EPB41L1: variants seen among roughly 807,000 people sequenced by gnomAD.
EPB41L1 encodes the protein band 4.1-like protein 1.
In EPB41L1, 29 loss-of-function variants were observed where a neutral mutation model predicts 97.8. That is an observed-to-expected ratio of 0.30 (90% CI 0.22 to 0.40). The LOEUF (loss-of-function observed/expected upper bound fraction) is 0.40, where lower values mean the gene tolerates loss of function less well. Among genes scored for constraint, EPB41L1 ranks in the 10% least tolerant of loss-of-function variants. The probability of loss-of-function intolerance (pLI) is 1.00; values close to 1 mark genes in which losing one functional copy is unlikely to be tolerated. For missense variants in EPB41L1, 812 were observed against 1,162.3 expected (o/e 0.70, Z 4.38); for synonymous variants, 383 against 459.2 (o/e 0.83, Z 2.12).
In EPB41L1 at chr20:36,195,793, G is replaced by T. The variant is rs1018954923; in HGVS notation, c.1485+429G>T. Among the ~76,000 whole-genome samples the T allele has an allele frequency of 6.6e-6, 1 of 151,940 alleles. No homozygotes were observed. The highest frequency in any genetic ancestry group is 2.4e-5 in the African/African-American group (1 of 41,350). ...CACTGTTTGGTCTCGCCTCCATCTC[G>T]TCTGTGTCCCCTGTGTCCTCACCCC... On this transcript the variant is annotated intron_variant, in intron 13 of 21. Coordinates refer to ENST00000338074, the MANE Select transcript of EPB41L1 (RefSeq NM_012156.2). This position sits in a 1 kb window ranked among gnomAD's most constrained non-coding sequence, Gnocchi z 4.6.
chr20:36,122,328 C>G (rs2058778846), intron 2 of EPB41L1, among the ~76,000 whole-genome samples: 1 of 152,214 alleles, frequency 6.6e-6, no homozygotes, highest in Non-Finnish European at 1.5e-5. Context: ...GGACAGGAGG[C>G]CTGGTGAGTC....
intron 1 of EPB41L1, among the ~76,000 whole-genome samples, chr20:36,169,096 G>T (rs1325938062): frequency 6.6e-6 from 1 of 151,718 alleles, no homozygotes; most frequent in Non-Finnish European, 1.5e-5. Flanking sequence ...TGCGGTGGCG[G>T]TCACCTGTAA....
At chr20:36,201,449 C>T (rs1413404883) in intron 14 of EPB41L1, among the ~76,000 whole-genome samples, 2 of 152,126 alleles carry the variant, frequency 1.3e-5, no homozygotes, top group Admixed American at 6.6e-5. Context: ...GTCATGGCAC[C>T]CAAATGCCTT....
intron 2 of EPB41L1, among the ~76,000 whole-genome samples, chr20:36,125,158 C>T (rs2058911220): frequency 6.6e-6 from 1 of 152,122 alleles, no homozygotes; most frequent in Non-Finnish European, 1.5e-5. Flanking sequence ...TGGGGACAAA[C>T]CCAGAGAGAG....
At chr20:36,126,363 ATTT>A (rs1208994726) in intron 2 of EPB41L1, among the ~76,000 whole-genome samples, 6 of 135,212 alleles carry the variant, frequency 4.4e-5, no homozygotes, top group Non-Finnish European at 4.8e-5. Flanking sequence ...AGTTAGTGGA[ATTT>A]TTTTTTTTTT....
chr20:36,197,938 A>G lies in EPB41L1; in HGVS notation c.1565A>G (p.Asn522Ser), dbSNP rs1443259446. 1 of 1,614,158 alleles carries G rather than the reference A, an allele frequency of 6.2e-7. No homozygotes were observed. ...NELKRTLKEP[N>S]SKLIHRDRDW... ...CTCAAAAGGACCCTGAAGGAGCCCA[A>G]CAGCAAACTCATCCACCGGGATCGA... Residue 522 changes from asparagine to serine, a missense_variant, in exon 14 of 22, where the codon AAC becomes AGC. This residue lies in a region of EPB41L1 where 498 missense variants were observed against 622.7 expected (regional missense o/e 0.80). Transcript: ENST00000338074.
chr20:36,170,753 TG>T (rs200840194), intron 1 of EPB41L1, among the ~76,000 whole-genome samples: 65 of 152,290 alleles, frequency 4.3e-4, no homozygotes, highest in East Asian at 3.9e-3. Flanking sequence ...ACCTGGTTTC[TG>T]AGGAAATGAC....
intron 21 of EPB41L1, among the ~76,000 whole-genome samples, chr20:36,224,749 T>G (rs2064007684): frequency 6.6e-6 from 1 of 152,218 alleles, no homozygotes; most frequent in South Asian, 2.1e-4. Flanking sequence ...TTTCTATTTA[T>G]CTAGAAATTT....
chr20:36,204,294 C>T lies in EPB41L1; in HGVS notation c.1669-5194C>T, dbSNP rs937374739. Among the ~76,000 whole-genome samples the T allele has an allele frequency of 7.2e-5, 11 of 152,072 alleles. No individual in the cohort carries two copies. The East Asian group carries it at 1.4e-3, about 19-fold the overall frequency. On this transcript the variant is annotated intron_variant, in intron 14 of 21. Coordinates refer to ENST00000338074, the MANE Select transcript of EPB41L1 (RefSeq NM_012156.2). ...CAGCTCTGTATTTCTGTCACATAGC[C>T]GACTTGCATTAAAATTTTGTGGGAA...
At chr20:36,154,542 G>C (rs1237042659), upstream of EPB41L1, among the ~76,000 whole-genome samples, 1 of 150,882 alleles carries the variant, frequency 6.6e-6, no homozygotes, top group Non-Finnish European at 1.5e-5. The surrounding 1 kb of genome is among the most constrained non-coding windows in gnomAD (Gnocchi z 5.5). Flanking sequence ...AGAGGAGACA[G>C]GCAGAGAGGA....
At chr20:36,094,703 A>G (rs2057772971) in intron 1 of EPB41L1, among the ~76,000 whole-genome samples, 1 of 152,020 alleles carries the variant, frequency 6.6e-6, no homozygotes, top group East Asian at 1.9e-4. Flanking sequence ...TTCCCTGCCA[A>G]AAGCAGCAGA....
chr20:36,172,701 A>G (rs893459393), intron 1 of EPB41L1, among the ~76,000 whole-genome samples: 11 of 152,082 alleles, frequency 7.2e-5, no homozygotes, highest in Non-Finnish European at 1.3e-4. Flanking sequence ...CCCAGGTTCA[A>G]GCGATTCTCC....
rs527881840 is a variant in EPB41L1, at chr20:36,104,812, T to G, written c.-64-7614T>G. The stretch of plus-strand genomic sequence containing the variant: ...GCTATGCAGGTGGGAAGCAGAGGCC[T>G]GGGAGGAGGAGATGGCACCCAAGAA... On this transcript the variant is annotated intron_variant, in intron 1 of 19. Coordinates refer to the EPB41L1 transcript ENST00000202028. Among the ~76,000 whole-genome samples, 3 of 152,264 alleles carry G rather than the reference T, an allele frequency of 2.0e-5. No individual in the cohort carries two copies. In the South Asian group the frequency reaches 6.2e-4, roughly 32 times the overall value.
chr20:36,198,086 G>C (rs942516241), intron 14 of EPB41L1, 45 bp downstream of exon 14: 7 of 1,565,380 alleles, frequency 4.5e-6, no homozygotes, highest in Non-Finnish European at 6.1e-6. Flanking sequence ...TGGGTAAAGA[G>C]ACATTGGGTT....
At chr20:36,127,898 T>C (rs1432395723) in intron 2 of EPB41L1, among the ~76,000 whole-genome samples, 1 of 151,966 alleles carries the variant, frequency 6.6e-6, no homozygotes, top group Non-Finnish European at 1.5e-5. Context: ...GTAGGAAAAA[T>C]TGTGCTCCCT....
intron 14 of EPB41L1, among the ~76,000 whole-genome samples, chr20:36,199,961 A>T (rs2062410369): frequency 6.6e-6 from 1 of 152,124 alleles, no homozygotes; most frequent in Non-Finnish European, 1.5e-5. Flanking sequence ...GGTCTTAGTA[A>T]AAGGTGGAAT....
At chr20:36,149,615 T>TGAG (rs1277248828) in intron 2 of EPB41L1, among the ~76,000 whole-genome samples, 11 of 152,162 alleles carry the variant, frequency 7.2e-5, no homozygotes, top group African/African-American at 2.7e-4. Context: ...CTCTGCAGAG[T>TGAG]GCCAACCTCA....
intron 2 of EPB41L1, among the ~76,000 whole-genome samples, chr20:36,137,465 C>A (rs1477910783): frequency 1.3e-5 from 2 of 152,034 alleles, no homozygotes; most frequent in Non-Finnish European, 2.9e-5. Context: ...AAGTTATCCT[C>A]CTGCCTCAGC....
chr20:36,156,529 C>T (rs552340705), intron 1 of EPB41L1, among the ~76,000 whole-genome samples: 1 of 152,298 alleles, frequency 6.6e-6, no homozygotes, highest in South Asian at 2.1e-4. Flanking sequence ...ATTAATGTAC[C>T]CAGGTCTTCC....
Sources: gnomAD v4.1 joint callset for allele counts (sites outside exome capture counted in the v4.1 genomes callset) on GRCh38, gnomAD v4.1.1 for gene constraint, gnomAD v4.1.1 regional missense constraint, Gnocchi (gnomAD v3.1) non-coding constraint, MANE v1.5 for transcripts, NCBI Gene and HGNC (gene_info 2026-07-23, HGNC 2026-07-21) for gene names.